The following PLXNA4 variants were observed in gnomAD, a reference collection of about 807,000 sequenced individuals.
PLXNA4 encodes plexin A4, also known as plexin-A4.
PLXNA4 carries 44 observed loss-of-function variants against 191.8 expected under a neutral mutation model. The ratio of observed to expected loss-of-function variants is 0.23; its 90% CI spans 0.18 to 0.29. The LOEUF (loss-of-function observed/expected upper bound fraction) is 0.29. Ranked by LOEUF, PLXNA4 falls within the 10% of genes least tolerant of loss-of-function variation. PLXNA4 has a pLI of 1.00. For missense variants in PLXNA4, 1,800 were observed against 2,488.8 expected (o/e 0.72, Z 5.89); for synonymous variants, 1,082 against 1,009.5 (o/e 1.07, Z -1.36).
chr7:132,305,536 C>G (rs1224004392), intron 3 of PLXNA4, among the ~76,000 whole-genome samples: 1 of 152,222 alleles, frequency 6.6e-6, no homozygotes, highest in Non-Finnish European at 1.5e-5. Flanking sequence ...GCACCGCCAC[C>G]TATCTCCATC....
chr7:132,298,340 T>A, intron 3 of PLXNA4, 118 bp from the exon 4 acceptor site: 1 of 1,343,682 alleles, frequency 7.4e-7, no homozygotes, highest in Non-Finnish European at 1.0e-6. Flanking sequence ...GTCTCCACAG[T>A]GCTCACAGGC....
chr7:132,529,075 T>C (rs1206444796), intron 1 of PLXNA4, among the ~76,000 whole-genome samples: 1 of 152,212 alleles, frequency 6.6e-6, no homozygotes, highest in East Asian at 1.9e-4. Flanking sequence ...ATCAATATCC[T>C]TGGGACTAGA....
intron 2 of PLXNA4, among the ~76,000 whole-genome samples, chr7:132,645,053 G>A (rs1440618751): frequency 6.6e-6 from 1 of 152,180 alleles, no homozygotes; most frequent in African/African-American, 2.4e-5. Context: ...TCTCAGGTGT[G>A]TCAGCTTAGT....
At chr7:132,393,199 C>A (rs540435512) in intron 3 of PLXNA4, among the ~76,000 whole-genome samples, 5 of 115,480 alleles carry the variant, frequency 4.3e-5, no homozygotes, top group East Asian at 4.2e-4. Context: ...CACCCCCCCC[C>A]ACCACCACCA....
chr7:132,576,428 G>T lies in PLXNA4; in HGVS notation c.-93C>A. ...CGGCGGGCCGGCTCCTTACCTGGAC[G>T]CGCCGCGTTTCCCTCCTTCAGCGGG... On this transcript the variant is annotated 5_prime_UTR_variant, in exon 1 of 32. Transcript: ENST00000321063. The surrounding 1 kb of genome is among the most constrained non-coding windows in gnomAD (Gnocchi z 5.8). 9.1e-6 allele frequency: 9 copies of T among 985,796 alleles called. No homozygotes were observed. The highest frequency in any genetic ancestry group is 1.1e-5 in the Non-Finnish European group (9 of 830,044). 61.1% of individuals were successfully genotyped at this position (985,796 alleles called of 1,614,324 possible). A position where few individuals can be genotyped will look rare whatever the true frequency, so the allele number is the denominator to read the frequency against.
At chr7:132,522,069 A>AGGCCATGAGGTGACTG (rs1410961515) in intron 1 of PLXNA4, among the ~76,000 whole-genome samples, 1 of 152,118 alleles carries the variant, frequency 6.6e-6, no homozygotes, top group Non-Finnish European at 1.5e-5. Flanking sequence ...GGTGTGATAA[A>AGGCCATGAGGTGACTG]GGGTCAGATC....
At chr7:132,220,965 G>A (rs949332943) in intron 9 of PLXNA4, among the ~76,000 whole-genome samples, 43 of 151,508 alleles carry the variant, frequency 2.8e-4, no homozygotes, top group South Asian at 8.4e-4. Flanking sequence ...GACAGGCATC[G>A]CCATGCCCAG....
At chr7:132,285,489 GTC>G (rs772991603) in intron 4 of PLXNA4, among the ~76,000 whole-genome samples, 1 of 152,220 alleles carries the variant, frequency 6.6e-6, no homozygotes, top group East Asian at 1.9e-4. Flanking sequence ...CATCGCATAC[GTC>G]TCTGAGTCAG....
rs1337068325 is a variant in PLXNA4 at position 132,181,561 on chromosome 7, A to G, written c.3312T>C (p.Gly1104=). ...MTCQAPALAL[G]PDHQSDLTER... Reference sequence around the variant, plus strand: ...CGGTCAGGTCTGACTGGTGGTCAGGACCCAGAGCGAGGGCGGGCGCCTGAC... The same window carrying G: ...CGGTCAGGTCTGACTGGTGGTCAGGGCCCAGAGCGAGGGCGGGCGCCTGAC... Residue 1104 remains glycine (G), a synonymous_variant, in exon 18 of 32, where the codon GGT becomes GGC. Coordinates refer to ENST00000321063, the MANE Select transcript of PLXNA4 (RefSeq NM_020911.2). 5.2e-5 allele frequency: 84 copies of G among 1,614,136 alleles called. No homozygotes were observed. The highest frequency in any genetic ancestry group is 6.6e-5 in the Non-Finnish European group (78 of 1,180,028).
chr7:132,334,236 T>TTTTC lies in PLXNA4; in HGVS notation c.1372-36018_1372-36015dup, dbSNP rs200472571. On this transcript the variant is annotated intron_variant, in intron 3 of 31. Coordinates refer to ENST00000321063, the MANE Select transcript of PLXNA4 (RefSeq NM_020911.2). The stretch of plus-strand genomic sequence containing the variant: ...TTTATAAGATTTCAGATTTCTTTTC[T>TTTTC]TTTCTTTCTTTCTTTCTTTTTTTTT... Among the ~76,000 whole-genome samples the TTTTC allele has an allele frequency of 8.5e-3, 1,169 of 137,642 alleles. 42 individuals carry two copies. Among genetic ancestry groups the TTTTC allele is most frequent in the African/African-American group, 0.017 (596 of 34,944 alleles). 90.3% of individuals were successfully genotyped at this position (137,642 alleles called of 152,430 possible). A position where few individuals can be genotyped will look rare whatever the true frequency, so the allele number is the denominator to read the frequency against.
At chr7:132,268,881 T>C (rs974010520) in intron 4 of PLXNA4, among the ~76,000 whole-genome samples, 3 of 152,216 alleles carry the variant, frequency 2.0e-5, no homozygotes, top group Non-Finnish European at 4.4e-5. Context: ...GTCCCACTTA[T>C]TGATGTTTCA....
intron 2 of PLXNA4, among the ~76,000 whole-genome samples, chr7:132,637,083 T>A (rs777452673): frequency 9.2e-5 from 14 of 152,234 alleles, no homozygotes; most frequent in Non-Finnish European, 1.6e-4. Flanking sequence ...CAGAGATAGA[T>A]GGCTCTAAAA....
intron 3 of PLXNA4, among the ~76,000 whole-genome samples, chr7:132,445,632 A>C (rs1344627146): frequency 2.0e-5 from 3 of 152,162 alleles, no homozygotes; most frequent in African/African-American, 7.2e-5. Context: ...AATTCTTTGA[A>C]AGCAAATATA....
chr7:132,182,178 G>C lies in PLXNA4; in HGVS notation c.3171C>G (p.Pro1057=), dbSNP rs549445684. 2 of 1,614,148 alleles carry C rather than the reference G, an allele frequency of 1.2e-6. No homozygotes were observed. The highest frequency in any genetic ancestry group is 2.2e-5 in the South Asian group (2 of 91,066). The change falls in exon 17 of 32, where the codon CCC becomes CCG. Residue 1057 remains proline (P), a synonymous_variant. Transcript: ENST00000321063. ...CCAGGTGGGTCCCCCATACGGCGAT[G>C]GGTGTGTTTCCACTGAGCAGGAAGA... ...PEWSIVSGNT[P]IAVWGTHLDL...
At chr7:132,447,716 A>C (rs945421083) in intron 3 of PLXNA4, among the ~76,000 whole-genome samples, 3 of 152,142 alleles carry the variant, frequency 2.0e-5, no homozygotes, top group African/African-American at 7.2e-5. Context: ...AGCTGGGTGC[A>C]GTGGCTCATG....
At chr7:132,501,622 T>A (rs745370958) in intron 2 of PLXNA4, among the ~76,000 whole-genome samples, 1 of 152,134 alleles carries the variant, frequency 6.6e-6, no homozygotes, top group South Asian at 2.1e-4. Context: ...CCATGCACAC[T>A]AGTCTGGGAT....
intron 1 of PLXNA4, among the ~76,000 whole-genome samples, chr7:132,559,630 T>C (rs993072716): frequency 1.3e-5 from 2 of 152,128 alleles, no homozygotes; most frequent in Non-Finnish European, 2.9e-5. Context: ...TGAGCATATC[T>C]CTCTCTCTAG....
intron 9 of PLXNA4, among the ~76,000 whole-genome samples, chr7:132,218,895 TAATATAATA>T (rs1421303268): frequency 2.0e-5 from 3 of 152,200 alleles, no homozygotes; most frequent in Non-Finnish European, 2.9e-5. Flanking sequence ...TACTTGCCAT[TAATATAATA>T]ACAACAATGA....
intron 1 of PLXNA4, among the ~76,000 whole-genome samples, chr7:132,534,532 G>T (rs375933626): frequency 1.6e-4 from 25 of 152,270 alleles, no homozygotes; most frequent in African/African-American, 5.8e-4. Flanking sequence ...CGTGAGTGTT[G>T]TGTGTGCATA....
Sources: gnomAD v4.1 joint callset for allele counts (sites outside exome capture counted in the v4.1 genomes callset) on GRCh38, gnomAD v4.1.1 for gene constraint, Gnocchi (gnomAD v3.1) non-coding constraint, MANE v1.5 for transcripts, NCBI Gene and HGNC (gene_info 2026-07-23, HGNC 2026-07-21) for gene names.